The following DHX38 variants were observed in gnomAD, a reference collection of about 807,000 sequenced individuals.
DHX38 encodes the protein DEAH-box helicase 38.
DHX38 carries 100 observed loss-of-function variants against 153.1 expected under a neutral mutation model. The ratio of observed to expected loss-of-function variants is 0.65; its 90% CI spans 0.56 to 0.77. The LOEUF (loss-of-function observed/expected upper bound fraction) is 0.77. DHX38 is among the 30% of genes least tolerant of loss of function. The probability of loss-of-function intolerance (pLI) is 0.00; values close to 1 mark genes in which losing one functional copy is unlikely to be tolerated. For missense variants in DHX38, 1,440 were observed against 1,654.0 expected (o/e 0.87, Z 2.24); for synonymous variants, 650 against 631.7 (o/e 1.03, Z -0.43).
Position 72,108,887 on chromosome 16 carries a change from G to A in DHX38, c.3343G>A (p.Asp1115Asn). Residue 1115 changes from aspartate to asparagine, a missense_variant, in exon 24 of 27, where the codon GAT (aspartate) becomes AAT (asparagine). This residue lies in a region of DHX38 where 543 missense variants were observed against 717.9 expected (regional missense o/e 0.76). Coordinates refer to ENST00000268482, the MANE Select transcript of DHX38 (RefSeq NM_014003.4). ...SSLFGMGYTPDYIVYHELVMT... is the reference protein window; with the variant it reads ...SSLFGMGYTPNYIVYHELVMT... ...CCTTTTTGGAATGGGCTACACCCCAGATTACATAGTGTATCACGAGTTGGT... is the reference window on the plus strand; with the variant it reads ...CCTTTTTGGAATGGGCTACACCCCAAATTACATAGTGTATCACGAGTTGGT... The A allele has an allele frequency of 6.2e-7, 1 of 1,613,362 alleles. No homozygotes were observed. The highest frequency in any genetic ancestry group is 8.5e-7 in the Non-Finnish European group (1 of 1,179,676).
intron 18 of DHX38, 97 bp downstream of exon 18, chr16:72,105,721 T>C: frequency 8.1e-7 from 1 of 1,237,718 alleles, no homozygotes; most frequent in Non-Finnish European, 1.2e-6. Context: ...CCCTGGGATG[T>C]GGGGAGCGCG....
At position 72,112,640 on chromosome 16, in the gene DHX38, A is replaced by G; in HGVS notation, c.*143A>G. ...GGCCCCCCAGGGCAGTTCCTGCTGG[A>G]CCAGACTCTCTGGCAGAGGAGGTGG... On this transcript the variant is annotated 3_prime_UTR_variant, in exon 27 of 27. Coordinates refer to ENST00000268482, the MANE Select transcript of DHX38 (RefSeq NM_014003.4). 1 of 876,144 alleles carries G rather than the reference A, an allele frequency of 1.1e-6. No homozygotes were observed. Among genetic ancestry groups the G allele is most frequent in the Admixed American group, 2.0e-5 (1 of 50,252 alleles). The allele number at this position is 876,144 out of a possible 1,614,324, so 54.3% of individuals were successfully genotyped here. A position where few individuals can be genotyped will look rare whatever the true frequency, so the allele number is the denominator to read the frequency against.
chr16:72,097,829 G>A (rs1241242943), intron 4 of DHX38, 48 bp downstream of exon 4: 9 of 1,513,226 alleles, frequency 5.9e-6, no homozygotes, highest in Non-Finnish European at 8.0e-6. Flanking sequence ...TGTATAAAAG[G>A]CAGAGTGAGT....
chr16:72,105,568 T>A lies in DHX38; in HGVS notation c.2431T>A (p.Ser811Thr). The A allele has an allele frequency of 6.2e-7, 1 of 1,614,136 alleles. No homozygotes were observed. The highest frequency in any genetic ancestry group is 8.5e-7 in the Non-Finnish European group (1 of 1,180,026). ...CGTTGCCACCAATATTGCCGAGACG[T>A]CTCTCACTGTTGACGGCATCATGTT... Reference protein sequence around the residue: ...CIVATNIAETSLTVDGIMFVI... With the variant: ...CIVATNIAETTLTVDGIMFVI... Residue 811 changes from serine to threonine, a missense_variant, in exon 18 of 27, where the codon TCT becomes ACT. Ser to Thr is a moderately conservative substitution (Grantham distance 58). Coordinates refer to ENST00000268482, the MANE Select transcript of DHX38 (RefSeq NM_014003.4).
At position 72,101,247 on chromosome 16, in the gene DHX38, C is replaced by A. The variant is rs987943624; in HGVS notation, c.1386+54C>A. 16 of 1,594,924 alleles carry A rather than the reference C, an allele frequency of 1.0e-5. No homozygotes were observed. The East Asian group carries it at 2.0e-4, about 20-fold the overall frequency. On this transcript the variant is annotated intron_variant, in intron 10 of 26. Coordinates refer to ENST00000268482, the MANE Select transcript of DHX38 (RefSeq NM_014003.4). ...GTTTATGTGTATTTTTTTCTTTTTT[C>A]TTCTCTTCATAAGTCTTACTAGGCC...
chr16:72,107,530 G>A lies in DHX38; in HGVS notation c.2791G>A (p.Gly931Arg), dbSNP rs1485446269. 2.9e-5 allele frequency: 46 copies of A among 1,613,722 alleles called. No individual in the cohort carries two copies. Among genetic ancestry groups the A allele is most frequent in the Non-Finnish European group, 3.6e-5 (42 of 1,179,814 alleles). Residue 931 changes from glycine (G) to arginine (R), a missense_variant, in exon 20 of 27, where the codon GGG becomes AGG. Physicochemically the swap from Gly to Arg is moderately radical, Grantham distance 125. Transcript: ENST00000268482. This position sits in a 1 kb window ranked among gnomAD's most constrained non-coding sequence, Gnocchi z 5.3. ...LNSMYQLWIL[G>R]ALDNTGGLTS... ...CTCTATGTATCAGCTCTGGATCCTC[G>A]GGGCCCTGGACAACACAGGTGAGGC...
At chr16:72,111,220 G>A (rs1567613078) in intron 26 of DHX38, 143 bp downstream of exon 26, 7 of 1,283,424 alleles carry the variant, frequency 5.5e-6, no homozygotes, top group East Asian at 2.6e-5. Context: ...TGTGCATTTG[G>A]TGGTCACATG....
intron 12 of DHX38, 137 bp downstream of exon 12, chr16:72,103,348 G>A: frequency 8.0e-7 from 1 of 1,249,742 alleles, no homozygotes; most frequent in South Asian, 1.5e-5. Context: ...CTGACCTCAT[G>A]CCTGGGGTAC....
chr16:72,096,714 G>A, intron 2 of DHX38, 108 bp from the exon 3 acceptor site: 1 of 1,497,298 alleles, frequency 6.7e-7, no homozygotes, highest in Non-Finnish European at 8.9e-7. Context: ...CTGCGTCCCA[G>A]GGAGAGAAAG....
At chr16:72,096,563 C>G (rs1031389967) in intron 2 of DHX38, 83 bp downstream of exon 2, 4 of 1,471,980 alleles carry the variant, frequency 2.7e-6, no homozygotes, top group Admixed American at 2.6e-5. Flanking sequence ...CTCAGTTTTC[C>G]TGTTGGAGAT....
chr16:72,103,321 G>T, intron 12 of DHX38, 110 bp downstream of exon 12: 1 of 1,436,698 alleles, frequency 7.0e-7, no homozygotes, highest in South Asian at 1.4e-5. Flanking sequence ...AGTGGAGAAG[G>T]GAAATACTTT....
rs375405645 is a variant in DHX38, at chr16:72,099,871, G to A, written c.1100G>A (p.Arg367Gln). ...KQKQKRISAQ[R>Q]RQINEDNERW... ...AAGCAGAAGCGCATTTCAGCTCAGC[G>A]GAGACAGATCAATGAGGTGAGGCTG... is the stretch of plus-strand genomic sequence containing the variant. The change falls in exon 8 of 27, where the codon CGG (arginine) becomes CAG (glutamine). Residue 367 changes from arginine (R) to glutamine (Q), a missense_variant. Coordinates refer to ENST00000268482, the MANE Select transcript of DHX38 (RefSeq NM_014003.4). 5.6e-6 allele frequency: 9 copies of A among 1,608,002 alleles called. No homozygotes were observed. Among genetic ancestry groups the A allele is most frequent in the Non-Finnish European group, 7.6e-6 (9 of 1,177,068 alleles).
At chr16:72,110,914 T>C (rs914567356) in intron 25 of DHX38, 42 bp from the exon 26 acceptor site, 4 of 1,548,586 alleles carry the variant, frequency 2.6e-6, no homozygotes, top group Non-Finnish European at 3.5e-6. Flanking sequence ...CCTTCCTTAG[T>C]GGTCCCCAGT....
In DHX38 at chr16:72,108,787, G is replaced by C; in HGVS notation, c.3256-13G>C. 6.2e-7 allele frequency: 1 copy of C among 1,611,292 alleles called. No homozygotes were observed. Among genetic ancestry groups the C allele is most frequent in the Non-Finnish European group, 8.5e-7 (1 of 1,178,532 alleles). On this transcript the variant is annotated splice_polypyrimidine_tract_variant and intron_variant, in intron 23 of 26. Coordinates refer to ENST00000268482, the MANE Select transcript of DHX38 (RefSeq NM_014003.4). ...TTTTCCTGATGTGGCTGCCTGTTGT[G>C]TCTCCTCCCTAGGGAATCGGGGAGT...
Position 72,103,741 on chromosome 16 carries a change from G to A in DHX38, c.1777G>A (p.Val593Met). ...TQPRRVAAMSVAKRVSEEMGG... is the reference protein window; with the variant it reads ...TQPRRVAAMSMAKRVSEEMGG... ...GCCCCGGCGTGTAGCTGCCATGTCA[G>A]TGGCCAAGAGAGTCAGTGAAGAGAT... Residue 593 changes from valine to methionine, a missense_variant, in exon 13 of 27, where the codon GTG becomes ATG. Val to Met is a conservative substitution (Grantham distance 21). This residue lies in a region of DHX38 where 241 missense variants were observed against 229.5 expected (regional missense o/e 1.05). Transcript: ENST00000268482. The A allele has an allele frequency of 6.2e-7, 1 of 1,614,008 alleles. No homozygotes were observed. Among genetic ancestry groups the A allele is most frequent in the Non-Finnish European group, 8.5e-7 (1 of 1,179,834 alleles).
At chr16:72,099,312 G>A (rs2072141) in intron 7 of DHX38, 32 bp downstream of exon 7, 656,779 of 1,560,234 alleles carry the variant, frequency 0.42, 143,782 homozygotes, top group African/African-American at 0.75. Context: ...GGGCTGATCG[G>A]GGCTGGTGGC....
chr16:72,102,976 A>C, intron 11 of DHX38, 98 bp from the exon 12 acceptor site: 2 of 1,512,130 alleles, frequency 1.3e-6, no homozygotes, highest in Non-Finnish European at 1.8e-6. Flanking sequence ...CTCTTGCCGA[A>C]GTCCTCATTC....
chr16:72,097,635 G>T (rs747451837), intron 3 of DHX38, 42 bp from the exon 4 acceptor site: 7 of 1,586,862 alleles, frequency 4.4e-6, no homozygotes, highest in Non-Finnish European at 6.0e-6. Flanking sequence ...GTATACCTTA[G>T]GATGGGATGC....
chr16:72,101,335 T>C (rs932687009), intron 10 of DHX38, 142 bp downstream of exon 10: 64 of 1,151,398 alleles, frequency 5.6e-5, no homozygotes, highest in Admixed American at 1.1e-4. Context: ...CGGGGCCTGG[T>C]GTTGGGAGAG....
Sources: gnomAD v4.1 joint callset for allele counts on GRCh38, gnomAD v4.1.1 for gene constraint, gnomAD v4.1.1 regional missense constraint, Gnocchi (gnomAD v3.1) non-coding constraint, MANE v1.5 for transcripts, NCBI Gene and HGNC (gene_info 2026-07-23, HGNC 2026-07-21) for gene names.